ZNF385D: variants seen among roughly 807,000 people sequenced by gnomAD.
ZNF385D encodes zinc finger protein 385D.
ZNF385D carries 15 observed loss-of-function variants against 35.8 expected under a neutral mutation model. The observed-to-expected ratio is 0.42, with a 90% CI of 0.28 to 0.64. ZNF385D has a LOEUF of 0.64. Among genes scored for constraint, ZNF385D ranks in the 30% least tolerant of loss-of-function variants. The probability of loss-of-function intolerance (pLI) is 0.23; values close to 1 mark genes in which losing one functional copy is unlikely to be tolerated. For missense variants in ZNF385D, 474 were observed against 494.6 expected (o/e 0.96, Z 0.39); for synonymous variants, 212 against 186.8 (o/e 1.13, Z -1.10).
chr3:21,864,175 T>G (rs575421897), intron 3 of ZNF385D, among the ~76,000 whole-genome samples: 1 of 152,244 alleles, frequency 6.6e-6, no homozygotes, highest in South Asian at 2.1e-4. Context: ...ACCAGTCCTT[T>G]TGTTGCCATT....
chr3:21,536,961 G>A (rs984259212), intron 3 of ZNF385D, among the ~76,000 whole-genome samples: 9 of 151,936 alleles, frequency 5.9e-5, no homozygotes, highest in African/African-American at 2.2e-4. Flanking sequence ...GTATAGTAAC[G>A]ACAGAGTCAT....
At chr3:22,126,191 TCTG>T (rs1173206179) in intron 3 of ZNF385D, among the ~76,000 whole-genome samples, 2 of 152,028 alleles carry the variant, frequency 1.3e-5, no homozygotes, top group Non-Finnish European at 2.9e-5. Context: ...TGTCCCTCAT[TCTG>T]CTAATATAAT....
chr3:22,166,275 A>C (rs967639996), intron 3 of ZNF385D, among the ~76,000 whole-genome samples: 1 of 143,588 alleles, frequency 7.0e-6, no homozygotes, highest in Non-Finnish European at 1.6e-5. Context: ...AAATCTGAAT[A>C]GGAAATCCAG....
chr3:21,734,190 A>C (rs2069139033), intron 1 of ZNF385D, among the ~76,000 whole-genome samples: 1 of 152,114 alleles, frequency 6.6e-6, no homozygotes, highest in Non-Finnish European at 1.5e-5. Flanking sequence ...GATATTAGCG[A>C]AGAGTTTGTG....
At position 22,149,335 on chromosome 3, in the gene ZNF385D, G is replaced by A. The variant is rs75345836; in HGVS notation, c.325+19482C>T. On this transcript the variant is annotated intron_variant, in intron 3 of 5. Coordinates refer to the ZNF385D transcript ENST00000494108. ...AGTAATTACAGATAACACTTATTTT[G>A]TTGAAGGTTAACTATGTTTGCACTA... Among the ~76,000 whole-genome samples the A allele has an allele frequency of 9.4e-3, 1,435 of 152,146 alleles. 27 individuals are homozygous for A. The highest frequency in any genetic ancestry group is 0.032 in the African/African-American group (1,344 of 41,502).
At chr3:22,261,286 T>C (rs1700617707) in intron 2 of ZNF385D, among the ~76,000 whole-genome samples, 1 of 152,022 alleles carries the variant, frequency 6.6e-6, no homozygotes, top group African/African-American at 2.4e-5. Flanking sequence ...TGTAACATTA[T>C]AGTTAAAGAC....
intron 1 of ZNF385D, among the ~76,000 whole-genome samples, chr3:21,722,451 G>C (rs2125452916): frequency 6.6e-6 from 1 of 152,306 alleles, no homozygotes. Context: ...TCATGGCCAA[G>C]AAATGCAATG....
intron 1 of ZNF385D, among the ~76,000 whole-genome samples, chr3:21,708,354 T>C (rs1371491759): frequency 6.6e-6 from 1 of 152,192 alleles, no homozygotes; most frequent in Non-Finnish European, 1.5e-5. Context: ...TGCTCTCAGC[T>C]AGAGTAAAGT....
intron 2 of ZNF385D, among the ~76,000 whole-genome samples, chr3:22,366,554 A>C (rs1268180582): frequency 6.6e-6 from 1 of 152,118 alleles, no homozygotes; most frequent in Admixed American, 6.5e-5. Context: ...TGCATTTTTT[A>C]CATTTTACTA....
At chr3:21,762,545 C>G (rs1056737353) in intron 3 of ZNF385D, among the ~76,000 whole-genome samples, 5 of 152,164 alleles carry the variant, frequency 3.3e-5, no homozygotes, top group Non-Finnish European at 7.3e-5. Context: ...GTTCTCTTTT[C>G]TTGTTTTTAA....
intron 3 of ZNF385D, among the ~76,000 whole-genome samples, chr3:21,998,715 T>A (rs1043350032): frequency 2.6e-5 from 4 of 152,252 alleles, no homozygotes; most frequent in Non-Finnish European, 4.4e-5. Flanking sequence ...TTGAGAATGG[T>A]ATTTTAATGT....
At chr3:22,353,878 T>A (rs965408672) in intron 2 of ZNF385D, among the ~76,000 whole-genome samples, 1 of 152,116 alleles carries the variant, frequency 6.6e-6, no homozygotes, top group Non-Finnish European at 1.5e-5. Flanking sequence ...GCTCACATGT[T>A]CTACTACCAG....
At chr3:22,239,692 G>C (rs1699381259) in intron 2 of ZNF385D, among the ~76,000 whole-genome samples, 1 of 150,854 alleles carries the variant, frequency 6.6e-6, no homozygotes, top group African/African-American at 2.5e-5. Flanking sequence ...CCAATAAACA[G>C]TGTGCTAGCC....
chr3:21,499,058 A>C (rs1371647542), intron 4 of ZNF385D, among the ~76,000 whole-genome samples: 1 of 152,118 alleles, frequency 6.6e-6, no homozygotes, highest in Non-Finnish European at 1.5e-5. Context: ...GCCATGATGG[A>C]AAGCAGTCTG....
chr3:22,124,748 C>A (rs1464838671), intron 3 of ZNF385D, among the ~76,000 whole-genome samples: 1 of 152,026 alleles, frequency 6.6e-6, no homozygotes, highest in Non-Finnish European at 1.5e-5. Context: ...ATCTTCTGTC[C>A]ACTTTTAATT....
chr3:21,656,962 T>C (rs2066089313), intron 2 of ZNF385D, among the ~76,000 whole-genome samples: 1 of 151,856 alleles, frequency 6.6e-6, no homozygotes, highest in Non-Finnish European at 1.5e-5. Context: ...TCCCAGTTAC[T>C]AAGAAACTCA....
At chr3:21,860,522 C>T (rs900800058) in intron 3 of ZNF385D, among the ~76,000 whole-genome samples, 18 of 152,046 alleles carry the variant, frequency 1.2e-4, no homozygotes, top group Non-Finnish European at 2.4e-4. Context: ...GAGATAAGTA[C>T]AGATATCCCC....
intron 3 of ZNF385D, among the ~76,000 whole-genome samples, chr3:22,018,157 TTC>T (rs757351854): frequency 1.1e-4 from 17 of 151,926 alleles, no homozygotes; most frequent in Non-Finnish European, 2.5e-4. Flanking sequence ...TTAAAAAATA[TTC>T]TCTGTGTTTT....
chr3:22,295,638 C>G (rs887508778), intron 2 of ZNF385D, among the ~76,000 whole-genome samples: 5 of 152,186 alleles, frequency 3.3e-5, no homozygotes, highest in Admixed American at 2.6e-4. Context: ...TGAGGTGGAT[C>G]TGAACCTTTG....
Sources: gnomAD v4.1 joint callset for allele counts (sites outside exome capture counted in the v4.1 genomes callset) on GRCh38, gnomAD v4.1.1 for gene constraint, MANE v1.5 for transcripts, NCBI Gene and HGNC (gene_info 2026-07-23, HGNC 2026-07-21) for gene names.